Variants in LIMS4 observed in about 807,000 individuals in gnomAD.
LIMS4 encodes LIM zinc finger domain containing 4.
At chr2:110,425,329 G>T in the LIMS4 span, among the ~76,000 whole-genome samples, 3 of 142,140 alleles carry the variant, frequency 2.1e-5, no homozygotes, top group Admixed American at 2.1e-4. Context: ...GCAGTGAGTG[G>T]TGATTGCACC....
At chr2:110,387,541 CAG>C in the LIMS4 span, 2 of 286,662 alleles carry the variant, frequency 7.0e-6, no homozygotes, top group African/African-American at 2.3e-5. Context: ...TTTTTTTATA[CAG>C]AGTCTTGCTC....
At chr2:110,376,430 G>A in the LIMS4 span, 2 of 52,106 alleles carry the variant, frequency 3.8e-5, no homozygotes, top group Non-Finnish European at 6.1e-5. Context: ...TCATTCCCAT[G>A]AAACAGATAA....
At chr2:110,367,383 A>G in the LIMS4 span, among the ~76,000 whole-genome samples, 1 of 144,888 alleles carries the variant, frequency 6.9e-6, no homozygotes, top group African/African-American at 2.8e-5. Context: ...AAACAGACAC[A>G]TAGACCATTA....
At chr2:110,372,597 C>T in the LIMS4 span, among the ~76,000 whole-genome samples, 1 of 148,576 alleles carries the variant, frequency 6.7e-6, no homozygotes, top group Non-Finnish European at 1.5e-5. Context: ...CCTCCGCCTC[C>T]TGGGTTCAAG....
At chr2:110,379,112 C>T in the LIMS4 span, among the ~76,000 whole-genome samples, 1 of 149,686 alleles carries the variant, frequency 6.7e-6, no homozygotes, top group Admixed American at 6.6e-5. Context: ...TTAATGTTGG[C>T]CCACTAAACA....
chr2:110,407,553 C>T, the LIMS4 span, among the ~76,000 whole-genome samples: 1 of 118,818 alleles, frequency 8.4e-6, no homozygotes. Flanking sequence ...TCATTTTACT[C>T]ATTTGTCTGA....
chr2:110,360,596 G>C, the LIMS4 span: 1 of 995,816 alleles, frequency 1.0e-6, no homozygotes, highest in Non-Finnish European at 1.5e-6. Flanking sequence ...TCCTCATGGA[G>C]CGTCTGTGGC....
the LIMS4 span, chr2:110,361,107 T>G: frequency 1.1e-6 from 1 of 880,034 alleles, no homozygotes; most frequent in Non-Finnish European, 1.9e-6. Context: ...GGGTCTTCTT[T>G]TATTTCTGTT....
the LIMS4 span, among the ~76,000 whole-genome samples, chr2:110,389,953 C>T: frequency 7.3e-6 from 1 of 137,454 alleles, no homozygotes; most frequent in Non-Finnish European, 1.5e-5. Flanking sequence ...CTGGTACCAC[C>T]TCCACGGCAG....
chr2:110,425,181 C>G, the LIMS4 span, among the ~76,000 whole-genome samples: 3 of 143,238 alleles, frequency 2.1e-5, no homozygotes, highest in African/African-American at 8.6e-5. Flanking sequence ...TGTTCAAGCC[C>G]AAGAGTTTGA....
the LIMS4 span, among the ~76,000 whole-genome samples, chr2:110,425,579 TG>T: frequency 7.1e-6 from 1 of 141,154 alleles, no homozygotes; most frequent in African/African-American, 3.0e-5. Context: ...GAGGTTATCC[TG>T]GATTTATCTG....
the LIMS4 span, chr2:110,386,959 C>T: frequency 1.5e-5 from 10 of 660,442 alleles, no homozygotes; most frequent in Non-Finnish European, 2.7e-5. Context: ...GGGTCAGGGA[C>T]CCCCCTGAGC....
the LIMS4 span, among the ~76,000 whole-genome samples, chr2:110,368,829 A>T: frequency 2.1e-5 from 3 of 142,100 alleles, no homozygotes; most frequent in African/African-American, 8.3e-5. Context: ...GTGCAAACTG[A>T]TGCCTGATTC....
At chr2:110,389,851 C>T in the LIMS4 span, among the ~76,000 whole-genome samples, 1 of 147,600 alleles carries the variant, frequency 6.8e-6, no homozygotes, top group South Asian at 2.1e-4. Flanking sequence ...ATCCAGTCAC[C>T]AGAACCATGA....
At chr2:110,386,686 C>A in the LIMS4 span, 1 of 759,884 alleles carries the variant, frequency 1.3e-6, no homozygotes, top group East Asian at 2.8e-5. Flanking sequence ...CAGCTCCCGC[C>A]ACAGGAATGG....
At chr2:110,391,170 G>T in the LIMS4 span, among the ~76,000 whole-genome samples, 2 of 151,488 alleles carry the variant, frequency 1.3e-5, no homozygotes, top group African/African-American at 2.4e-5. Context: ...GGGAAGGGTG[G>T]AGCAGATCCT....
the LIMS4 span, among the ~76,000 whole-genome samples, chr2:110,368,214 C>T: frequency 6.9e-6 from 1 of 144,478 alleles, no homozygotes; most frequent in Admixed American, 6.9e-5. Context: ...AAATATAGAA[C>T]ATAGGTGACT....
At chr2:110,390,908 G>A in the LIMS4 span, among the ~76,000 whole-genome samples, 315 of 152,296 alleles carry the variant, frequency 2.1e-3, no homozygotes, top group East Asian at 0.038. Flanking sequence ...GTGCTGTGTC[G>A]AAGTAAAGCA....
chr2:110,407,672 C>A, the LIMS4 span, among the ~76,000 whole-genome samples: 1 of 136,072 alleles, frequency 7.3e-6, no homozygotes, highest in Non-Finnish European at 1.6e-5. Flanking sequence ...TAATCCCAGG[C>A]CTTGGTGGGA....
Sources: allele counts gnomAD v4.1 joint callset (sites outside exome capture counted in the v4.1 genomes callset), GRCh38; gene constraint gnomAD v4.1.1; transcripts MANE v1.5; gene names NCBI Gene and HGNC (gene_info 2026-07-23, HGNC 2026-07-21).